Variants in RYR2 observed in about 807,000 individuals in gnomAD.
RYR2 encodes the protein ryanodine receptor 2.
Under a neutral mutation model 601.1 loss-of-function variants are expected in RYR2, and 227 were observed. That is an observed-to-expected ratio of 0.38 (90% CI 0.34 to 0.42). The LOEUF (loss-of-function observed/expected upper bound fraction) is 0.42. Among genes scored for constraint, RYR2 ranks in the 10% least tolerant of loss-of-function variants. The probability of loss-of-function intolerance (pLI) is 1.00; values close to 1 mark genes in which losing one functional copy is unlikely to be tolerated. For synonymous variants in RYR2, 2,223 were observed against 2,175.1 expected, an observed-to-expected ratio of 1.02 and a Z score of -0.61; for missense variants, 4,646 against 6,156.5, an observed-to-expected ratio of 0.75 and a Z score of 8.21.
At chr1:237,148,427 G>A (rs1362289431) in intron 1 of RYR2, among the ~76,000 whole-genome samples, 1 of 150,794 alleles carries the variant, frequency 6.6e-6, no homozygotes, top group African/African-American at 2.4e-5. Context: ...CCTAGATGAC[G>A]GGTTGATAGG....
At chr1:237,452,077 TTGTGTG>T (rs763042123) in intron 14 of RYR2, among the ~76,000 whole-genome samples, 1 of 74,452 alleles carries the variant, frequency 1.3e-5, no homozygotes, top group East Asian at 4.5e-4. Flanking sequence ...ATATAAAATT[TTGTGTG>T]TGTGTGTGTG....
chr1:237,775,884 G>A (rs553561234), intron 87 of RYR2, among the ~76,000 whole-genome samples: 1 of 152,244 alleles, frequency 6.6e-6, no homozygotes, highest in South Asian at 2.1e-4. Flanking sequence ...AGGACCTAAG[G>A]TTGAGCAAGC....
At chr1:237,315,226 G>T (rs1694994303) in intron 2 of RYR2, among the ~76,000 whole-genome samples, 1 of 151,954 alleles carries the variant, frequency 6.6e-6, no homozygotes, top group African/African-American at 2.4e-5. Context: ...GAACGAATTG[G>T]GTGTATATTT....
At chr1:237,683,680 T>G (rs984229527) in intron 62 of RYR2, among the ~76,000 whole-genome samples, 6 of 133,680 alleles carry the variant, frequency 4.5e-5, no homozygotes, top group Non-Finnish European at 9.9e-5. Flanking sequence ...CTTAAAATTC[T>G]ATCACAATTT....
intron 76 of RYR2, among the ~76,000 whole-genome samples, chr1:237,728,322 C>T (rs1690366547): frequency 6.6e-6 from 1 of 152,160 alleles, no homozygotes; most frequent in Admixed American, 6.5e-5. Context: ...CTCAAATGTG[C>T]TACTTCTCAA....
At chr1:237,481,088 A>T (rs1662012477) in intron 17 of RYR2, among the ~76,000 whole-genome samples, 2 of 148,640 alleles carry the variant, frequency 1.3e-5, no homozygotes, top group African/African-American at 5.0e-5. Flanking sequence ...TGGAATTGTT[A>T]TTTTTAAGTG....
intron 87 of RYR2, among the ~76,000 whole-genome samples, chr1:237,774,943 C>A (rs959917389): frequency 1.6e-4 from 25 of 151,828 alleles, no homozygotes; most frequent in African/African-American, 5.8e-4. Context: ...GTATCGAAAT[C>A]TAGAAGCATC....
chr1:237,400,251 T>C (rs182981484), intron 10 of RYR2, among the ~76,000 whole-genome samples: 2 of 152,202 alleles, frequency 1.3e-5, no homozygotes, highest in South Asian at 4.1e-4. Context: ...AAGGCATTCA[T>C]AGAGACTGGA....
At chr1:237,501,900 G>A (rs1267414986) in intron 21 of RYR2, among the ~76,000 whole-genome samples, 1 of 152,154 alleles carries the variant, frequency 6.6e-6, no homozygotes, top group African/African-American at 2.4e-5. Flanking sequence ...CAGCACTTTG[G>A]GAGGCCGAGG....
intron 35 of RYR2, among the ~76,000 whole-genome samples, chr1:237,607,797 T>C (rs1055157720): frequency 1.3e-5 from 2 of 151,916 alleles, no homozygotes; most frequent in African/African-American, 4.8e-5. Context: ...CACATTGGAG[T>C]GAATAGAGTA....
intron 76 of RYR2, among the ~76,000 whole-genome samples, chr1:237,729,842 G>A (rs1690520137): frequency 6.6e-6 from 1 of 152,122 alleles, no homozygotes; most frequent in African/African-American, 2.4e-5. Flanking sequence ...CAGAGACTAA[G>A]TCCTCTATTG....
At chr1:237,090,433 A>T (rs1558215094) in intron 1 of RYR2, among the ~76,000 whole-genome samples, 1 of 152,150 alleles carries the variant, frequency 6.6e-6, no homozygotes, top group Non-Finnish European at 1.5e-5. Context: ...AGATGTGATG[A>T]TGGAAGCAGA....
Position 237,454,479 on chromosome 1 carries a change from G to T in RYR2, c.1381G>T (p.Gly461Cys), listed in dbSNP as rs751888505. The T allele has an allele frequency of 2.5e-6, 4 of 1,613,428 alleles. No individual in the cohort carries two copies. In the South Asian group the frequency reaches 4.4e-5, roughly 18 times the overall value. The change falls in exon 15 of 105, where the codon GGC becomes TGC. Residue 461 changes from glycine to cysteine, a missense_variant. Physicochemically the swap from Gly to Cys is radical, Grantham distance 159. Transcript: ENST00000366574. ...AAGCCTAAGTCTGCAGGATCTCATTGGCTACTTCCACCCCCCAGATGAGCA... is the reference window on the plus strand; with the variant it reads ...AAGCCTAAGTCTGCAGGATCTCATTTGCTACTTCCACCCCCCAGATGAGCA... ...SVSLSLQDLIGYFHPPDEHLE... is the reference protein window; with the variant it reads ...SVSLSLQDLICYFHPPDEHLE...
At chr1:237,546,976 CATAT>C (rs558814390) in intron 25 of RYR2, among the ~76,000 whole-genome samples, 114 of 97,492 alleles carry the variant, frequency 1.2e-3, no homozygotes, top group African/African-American at 3.1e-3. Flanking sequence ...TTTTCAAAAG[CATAT>C]ATATATATAT....
Position 237,625,820 on chromosome 1 carries a change from G to A in RYR2, c.6166+16G>A, listed in dbSNP as rs1474524568. On this transcript the variant is annotated intron_variant, in intron 40 of 104. Transcript: ENST00000366574. The stretch of plus-strand genomic sequence containing the variant: ...AAAAAGTCCTGTAAGCAGTATGAGA[G>A]TGCACTGGCAGAATGACCCAACTGC... The A allele has an allele frequency of 2.8e-5, 45 of 1,611,616 alleles. No homozygotes were observed. Among genetic ancestry groups the A allele is most frequent in the Non-Finnish European group, 3.8e-5 (45 of 1,178,784 alleles).
chr1:237,619,537 GA>G (rs969372986), intron 38 of RYR2, among the ~76,000 whole-genome samples: 11 of 152,112 alleles, frequency 7.2e-5, no homozygotes, highest in African/African-American at 2.4e-4. Context: ...AGTCTCAGAG[GA>G]TAGGAGAAAG....
chr1:237,213,655 A>G (rs1361395867), intron 1 of RYR2, among the ~76,000 whole-genome samples: 1 of 152,140 alleles, frequency 6.6e-6, no homozygotes, highest in Non-Finnish European at 1.5e-5. Context: ...TGAATTAAGT[A>G]CAATTGCTTT....
chr1:237,123,407 C>T (rs575742374), intron 1 of RYR2, among the ~76,000 whole-genome samples: 1 of 151,942 alleles, frequency 6.6e-6, no homozygotes, highest in Non-Finnish European at 1.5e-5. Flanking sequence ...GGCAACATAG[C>T]AAGACCTAGT....
intron 1 of RYR2, among the ~76,000 whole-genome samples, chr1:237,155,854 T>A (rs1675270402): frequency 6.6e-6 from 1 of 152,182 alleles, no homozygotes; most frequent in Non-Finnish European, 1.5e-5. Context: ...AACACAGGCA[T>A]AAAGTGATCT....
Sources: gnomAD v4.1 joint callset for allele counts (sites outside exome capture counted in the v4.1 genomes callset) on GRCh38, gnomAD v4.1.1 for gene constraint, MANE v1.5 for transcripts, NCBI Gene and HGNC (gene_info 2026-07-23, HGNC 2026-07-21) for gene names.